CSPP1: variants seen among roughly 807,000 people sequenced by gnomAD.
CSPP1 encodes the protein centrosome and spindle pole associated protein 1.
CSPP1 carries 126 observed loss-of-function variants against 164.4 expected under a neutral mutation model. The ratio of observed to expected loss-of-function variants is 0.77; its 90% CI spans 0.66 to 0.89. The LOEUF is 0.89. Among genes scored for constraint, CSPP1 ranks in the 40% least tolerant of loss-of-function variants. The probability of loss-of-function intolerance (pLI) is 0.00; values close to 1 mark genes in which losing one functional copy is unlikely to be tolerated. For missense variants in CSPP1, 1,395 were observed against 1,449.8 expected (o/e 0.96, Z 0.61); for synonymous variants, 472 against 476.7 (o/e 0.99, Z 0.13).
intron 9 of CSPP1, among the ~76,000 whole-genome samples, chr8:67,107,047 G>GTT (rs759446682): frequency 1.4e-5 from 2 of 142,014 alleles, no homozygotes; most frequent in African/African-American, 5.1e-5. Context: ...CTTATGTTTT[G>GTT]TTTTTTTTTT....
intron 3 of CSPP1, among the ~76,000 whole-genome samples, chr8:67,078,823 A>G (rs569227088): frequency 9.9e-5 from 15 of 152,064 alleles, no homozygotes; most frequent in Non-Finnish European, 1.9e-4. Flanking sequence ...ATACAAAAAA[A>G]TTAGCCCAGC....
At chr8:67,081,951 G>A (rs983283418) in intron 3 of CSPP1, among the ~76,000 whole-genome samples, 7 of 152,088 alleles carry the variant, frequency 4.6e-5, no homozygotes, top group East Asian at 1.9e-4. Flanking sequence ...ATGTTGCCCC[G>A]GCTGGTTTTG....
intron 28 of CSPP1, among the ~76,000 whole-genome samples, chr8:67,186,461 A>G (rs561116793): frequency 6.6e-6 from 1 of 151,884 alleles, no homozygotes; most frequent in Non-Finnish European, 1.5e-5. Context: ...GAACAACTCT[A>G]TGCCCACAAA....
chr8:67,110,517 CA>C (rs895186332), intron 9 of CSPP1, among the ~76,000 whole-genome samples: 2 of 152,088 alleles, frequency 1.3e-5, no homozygotes, highest in African/African-American at 4.8e-5. Flanking sequence ...AATGGAATTT[CA>C]CTCTGTGAAT....
chr8:67,182,175 G>C (rs997944864), intron 28 of CSPP1, among the ~76,000 whole-genome samples: 3 of 151,962 alleles, frequency 2.0e-5, no homozygotes, highest in Non-Finnish European at 2.9e-5. Flanking sequence ...AATAATTTTT[G>C]TATTTTTTGT....
At chr8:67,088,910 A>G (rs1447350367) in intron 4 of CSPP1, among the ~76,000 whole-genome samples, 1 of 151,732 alleles carries the variant, frequency 6.6e-6, no homozygotes, top group Non-Finnish European at 1.5e-5. Context: ...AAAAAAAAAA[A>G]AGAATATAGT....
At chr8:67,183,595 G>C (rs1217025221) in intron 28 of CSPP1, among the ~76,000 whole-genome samples, 1 of 152,126 alleles carries the variant, frequency 6.6e-6, no homozygotes, top group Non-Finnish European at 1.5e-5. Flanking sequence ...AAAATACTTT[G>C]ATCTAAATGA....
intron 15 of CSPP1, among the ~76,000 whole-genome samples, chr8:67,130,727 C>T (rs1821057572): frequency 6.6e-6 from 1 of 152,176 alleles, no homozygotes; most frequent in Non-Finnish European, 1.5e-5. Flanking sequence ...GTGGCTCATG[C>T]TTATAATCCC....
chr8:67,178,804 G>A (rs892965381), intron 27 of CSPP1, among the ~76,000 whole-genome samples: 7 of 152,184 alleles, frequency 4.6e-5, no homozygotes, highest in African/African-American at 1.7e-4. Context: ...AGGGGGTGAC[G>A]AGGGGAGGCA....
chr8:67,142,977 GT>G (rs1247410993), intron 17 of CSPP1, among the ~76,000 whole-genome samples: 3 of 152,136 alleles, frequency 2.0e-5, no homozygotes, highest in Non-Finnish European at 4.4e-5. Flanking sequence ...TGACGTTAAC[GT>G]CTTAGATAAT....
chr8:67,064,461 C>A lies in CSPP1; in HGVS notation c.-88C>A. 1.2e-6 allele frequency: 2 copies of A among 1,613,986 alleles called. No homozygotes were observed. Among genetic ancestry groups the A allele is most frequent in the Non-Finnish European group, 1.7e-6 (2 of 1,179,906 alleles). On this transcript the variant is annotated 5_prime_UTR_variant, in exon 1 of 31. In the 5' UTR this introduces an upstream ATG that the reference lacks. Transcript: ENST00000678616. ...CGGTCCGCGACGATCCTCTAGAGCA[C>A]TGTGTGTCTCCCCGGACGCGAGCCC...
Position 67,074,628 on chromosome 8 carries a change from A to C in CSPP1, c.99+277A>C, listed in dbSNP as rs1477916844. Among the ~76,000 whole-genome samples the C allele has an allele frequency of 3.9e-5, 6 of 152,246 alleles. No individual in the cohort carries two copies. In the East Asian group the frequency reaches 1.2e-3, roughly 29 times the overall value. Reference sequence around the variant, plus strand: ...ACCAGTTCTATTACAAAGAACTTCCACAACATAAACAGAATAGTTGTAAAA... The same window carrying C: ...ACCAGTTCTATTACAAAGAACTTCCCCAACATAAACAGAATAGTTGTAAAA... On this transcript the variant is annotated intron_variant, in intron 2 of 30. Coordinates refer to ENST00000678616, the MANE Select transcript of CSPP1 (RefSeq NM_001382391.1).
intron 21 of CSPP1, among the ~76,000 whole-genome samples, chr8:67,160,003 TTTC>T (rs1213773718): frequency 3.1e-5 from 3 of 97,942 alleles, no homozygotes; most frequent in African/African-American, 1.8e-4. Flanking sequence ...TTTCTTTTCT[TTTC>T]TTTTCTTTTC....
intron 29 of CSPP1, among the ~76,000 whole-genome samples, chr8:67,193,110 T>C (rs150338424): frequency 3.7e-4 from 56 of 152,288 alleles, no homozygotes; most frequent in African/African-American, 1.1e-3. Context: ...AGAGGATGTT[T>C]TGATTTGCTG....
intron 21 of CSPP1, among the ~76,000 whole-genome samples, chr8:67,161,008 G>A (rs766487034): frequency 1.3e-5 from 2 of 151,888 alleles, no homozygotes; most frequent in African/African-American, 4.8e-5. Context: ...TATTAGAGAC[G>A]GGGTTTCACC....
intron 17 of CSPP1, among the ~76,000 whole-genome samples, chr8:67,139,876 G>A (rs1284281801): frequency 6.6e-6 from 1 of 152,126 alleles, no homozygotes; most frequent in Non-Finnish European, 1.5e-5. Flanking sequence ...ATAGCACTAG[G>A]AGAAATACCT....
chr8:67,097,146 G>A (rs1812979643), intron 7 of CSPP1, among the ~76,000 whole-genome samples: 2 of 152,120 alleles, frequency 1.3e-5, no homozygotes, highest in African/African-American at 4.8e-5. Context: ...TCATTGACTT[G>A]TTTACTTGAC....
chr8:67,070,695 G>A (rs1806570172), intron 1 of CSPP1, among the ~76,000 whole-genome samples: 1 of 149,888 alleles, frequency 6.7e-6, no homozygotes, highest in Non-Finnish European at 1.5e-5. Flanking sequence ...TTGATTTGAA[G>A]TATATTTTGC....
chr8:67,074,299 T>C lies in CSPP1; in HGVS notation c.47T>C (p.Leu16Ser). ...DEFIEEQKARLAEDKAELESD... is the reference protein window; with the variant it reads ...DEFIEEQKARSAEDKAELESD... ...TTTATTGAAGAGCAAAAAGCCAGAT[T>C]GGCCGAAGACAAAGCAGAGTTGGAA... The change falls in exon 2 of 31, where the codon TTG becomes TCG. Residue 16 changes from leucine (L) to serine (S), a missense_variant. Physicochemically the swap from Leu to Ser is moderately radical, Grantham distance 145. Transcript: ENST00000678616. 6.2e-7 allele frequency: 1 copy of C among 1,611,816 alleles called. No individual in the cohort carries two copies. The highest frequency in any genetic ancestry group is 8.5e-7 in the Non-Finnish European group (1 of 1,179,036).
Sources: allele counts gnomAD v4.1 joint callset (sites outside exome capture counted in the v4.1 genomes callset), GRCh38; gene constraint gnomAD v4.1.1; transcripts MANE v1.5; gene names NCBI Gene and HGNC (gene_info 2026-07-23, HGNC 2026-07-21).